Variants in B3GALT1 observed in about 807,000 individuals in gnomAD.
The protein encoded by B3GALT1 is UDP-Gal:betaGlcNAc beta 1,3-galactosyltransferase, polypeptide 1.
B3GALT1 carries 10 observed loss-of-function variants against 23.2 expected under a neutral mutation model. That is an observed-to-expected ratio of 0.43 (90% CI 0.27 to 0.73). The LOEUF (loss-of-function observed/expected upper bound fraction) is 0.73. Among genes scored for constraint, B3GALT1 ranks in the 30% least tolerant of loss-of-function variants. The pLI is 0.21. For missense variants in B3GALT1, 299 were observed against 405.4 expected, an observed-to-expected ratio of 0.74 and a Z score of 2.25; for synonymous variants, 156 against 141.5, an observed-to-expected ratio of 1.10 and a Z score of -0.73.
intron 2 of B3GALT1, among the ~76,000 whole-genome samples, chr2:167,518,239 T>G (rs1700132859): frequency 6.6e-6 from 1 of 152,240 alleles, no homozygotes; most frequent in South Asian, 2.1e-4. Context: ...AGCACCATAT[T>G]CTAACCAATT....
chr2:167,556,734 T>C (rs1683859589), intron 2 of B3GALT1, among the ~76,000 whole-genome samples: 1 of 152,164 alleles, frequency 6.6e-6, no homozygotes. Context: ...AATTGGAAAA[T>C]GTTCGTTCAC....
intron 1 of B3GALT1, among the ~76,000 whole-genome samples, chr2:167,360,632 G>T (rs1697485371): frequency 6.6e-6 from 1 of 151,972 alleles, no homozygotes; most frequent in African/African-American, 2.4e-5. Context: ...TACATATTTT[G>T]GGGGTACACG....
chr2:167,399,749 A>G (rs1698157610), intron 1 of B3GALT1, among the ~76,000 whole-genome samples: 2 of 152,056 alleles, frequency 1.3e-5, no homozygotes, highest in African/African-American at 4.8e-5. Context: ...GGCATGCTGT[A>G]AAGTTGTCAT....
chr2:167,342,829 C>G lies in B3GALT1; in HGVS notation c.-511+49495C>G, dbSNP rs1229656976. Among the ~76,000 whole-genome samples the G allele has an allele frequency of 5.9e-5, 9 of 152,030 alleles. No homozygotes were observed. In the East Asian group the frequency reaches 1.7e-3, roughly 29 times the overall value. On this transcript the variant is annotated intron_variant, in intron 1 of 4. Coordinates refer to ENST00000392690, the MANE Select transcript of B3GALT1 (RefSeq NM_020981.4). ...TCATGGGGACACCTTTTTCTGTGGC[C>G]ATTATCACAGTGTGTTACATCTGTG...
At chr2:167,820,520 G>A (rs897641363) in intron 4 of B3GALT1, among the ~76,000 whole-genome samples, 1 of 152,192 alleles carries the variant, frequency 6.6e-6, no homozygotes, top group African/African-American at 2.4e-5. Context: ...GTGACATTCT[G>A]ACTGGTGATG....
chr2:167,646,025 G>A (rs1574187975), intron 2 of B3GALT1, among the ~76,000 whole-genome samples: 2 of 152,054 alleles, frequency 1.3e-5, no homozygotes, highest in African/African-American at 4.8e-5. Flanking sequence ...ACCCTTTCCT[G>A]GTGTACAGTT....
At chr2:167,687,870 G>A (rs566721528) in intron 3 of B3GALT1, among the ~76,000 whole-genome samples, 6 of 151,970 alleles carry the variant, frequency 3.9e-5, no homozygotes, top group East Asian at 1.9e-4. Flanking sequence ...AAAATCATAC[G>A]ATAGGCGATT....
chr2:167,813,632 C>A (rs1341420134), intron 3 of B3GALT1, among the ~76,000 whole-genome samples: 1 of 152,124 alleles, frequency 6.6e-6, no homozygotes, highest in Admixed American at 6.5e-5. Flanking sequence ...AGAAGAAATT[C>A]TGTATAATCT....
intron 2 of B3GALT1, among the ~76,000 whole-genome samples, chr2:167,644,319 A>G (rs1311252399): frequency 6.6e-6 from 1 of 152,048 alleles, no homozygotes; most frequent in Non-Finnish European, 1.5e-5. Flanking sequence ...AAACAAAAAA[A>G]CCTCATTATA....
chr2:167,721,064 A>G (rs370077618), intron 3 of B3GALT1, among the ~76,000 whole-genome samples: 10 of 150,926 alleles, frequency 6.6e-5, no homozygotes, highest in African/African-American at 2.0e-4. Flanking sequence ...GTATATCTCC[A>G]TCTTTCTCTC....
chr2:167,529,715 T>A (rs1213525598), intron 2 of B3GALT1, among the ~76,000 whole-genome samples: 1 of 151,704 alleles, frequency 6.6e-6, no homozygotes. Context: ...CTCACATCTC[T>A]TAGTAAATCT....
chr2:167,389,818 T>G (rs1397946522), intron 1 of B3GALT1, among the ~76,000 whole-genome samples: 1 of 141,674 alleles, frequency 7.1e-6, no homozygotes, highest in African/African-American at 2.7e-5. Flanking sequence ...AGGCCAAGGC[T>G]GGGGGATTGC....
chr2:167,445,701 T>G (rs1698973624), intron 1 of B3GALT1, among the ~76,000 whole-genome samples: 1 of 152,248 alleles, frequency 6.6e-6, no homozygotes, highest in South Asian at 2.1e-4. Context: ...TTTTTTTTTG[T>G]TTTCAATTAA....
At chr2:167,547,686 T>C (rs1683661796) in intron 2 of B3GALT1, among the ~76,000 whole-genome samples, 1 of 120,000 alleles carries the variant, frequency 8.3e-6, no homozygotes, top group Non-Finnish European at 1.5e-5. Context: ...AGAGCAAGAC[T>C]CTGTCTCAAA....
chr2:167,324,242 G>T (rs1340737658), intron 1 of B3GALT1, among the ~76,000 whole-genome samples: 2 of 151,956 alleles, frequency 1.3e-5, no homozygotes, highest in East Asian at 3.8e-4. Context: ...CATACATACA[G>T]TTCTTTTTTC....
chr2:167,666,942 C>G (rs1316242517), intron 3 of B3GALT1, among the ~76,000 whole-genome samples: 6 of 151,910 alleles, frequency 3.9e-5, no homozygotes. Flanking sequence ...AGCATTTAGT[C>G]CATTTACATT....
intron 3 of B3GALT1, among the ~76,000 whole-genome samples, chr2:167,728,194 C>G (rs1468469142): frequency 6.6e-6 from 1 of 152,150 alleles, no homozygotes; most frequent in Non-Finnish European, 1.5e-5. Flanking sequence ...TTGAGACCAG[C>G]CTGGCCAACA....
chr2:167,803,607 T>C (rs2105343013), intron 3 of B3GALT1, among the ~76,000 whole-genome samples: 1 of 152,290 alleles, frequency 6.6e-6, no homozygotes, highest in Admixed American at 6.5e-5. Flanking sequence ...CAGAGCCGCA[T>C]CAAGACAGGG....
chr2:167,735,700 T>G, intron 3 of B3GALT1, among the ~76,000 whole-genome samples: 1 of 152,202 alleles, frequency 6.6e-6, no homozygotes, highest in Middle Eastern at 3.2e-3. Flanking sequence ...GCATAATGAT[T>G]CATTGAACCT....
Sources: gnomAD v4.1 joint callset for allele counts (sites outside exome capture counted in the v4.1 genomes callset) on GRCh38, gnomAD v4.1.1 for gene constraint, MANE v1.5 for transcripts, NCBI Gene and HGNC (gene_info 2026-07-23, HGNC 2026-07-21) for gene names.